Variants in ZMAT3 observed in about 807,000 individuals in gnomAD.
ZMAT3 encodes zinc finger matrin-type 3, also known as zinc finger matrin-type protein 3.
ZMAT3 carries 17 observed loss-of-function variants against 32.3 expected under a neutral mutation model. That is an observed-to-expected ratio of 0.53 (90% confidence interval 0.36 to 0.79). ZMAT3 has a LOEUF of 0.79. ZMAT3 is among the 30% of genes least tolerant of loss of function. ZMAT3 has a pLI of 0.00. For synonymous variants in ZMAT3, 120 were observed against 133.1 expected (o/e 0.90, Z 0.68); for missense variants, 329 against 359.7 (o/e 0.91, Z 0.69).
chr3:179,067,858 A>C, intron 1 of ZMAT3, 49 bp from the exon 2 acceptor site: 2 of 1,485,400 alleles, frequency 1.3e-6, no homozygotes, highest in Non-Finnish European at 1.8e-6. Flanking sequence ...TGAAAATCAG[A>C]CTTCAGCAAG....
At chr3:179,031,911 A>C (rs1386945234) in intron 2 of ZMAT3, among the ~76,000 whole-genome samples, 1 of 5,390 alleles carries the variant, frequency 1.9e-4, no homozygotes, top group Non-Finnish European at 2.6e-4. Context: ...TGTCTCAAAT[A>C]AAAAAAAAAA....
chr3:179,058,419 G>C (rs936147065), intron 2 of ZMAT3, among the ~76,000 whole-genome samples: 31 of 152,206 alleles, frequency 2.0e-4, no homozygotes, highest in African/African-American at 7.5e-4. Context: ...TCCCTTGACT[G>C]ATCCCAACAT....
chr3:179,043,266 A>G (rs1261131250), intron 2 of ZMAT3, among the ~76,000 whole-genome samples: 4 of 152,254 alleles, frequency 2.6e-5, no homozygotes, highest in Non-Finnish European at 4.4e-5. Context: ...CGCATTGCCA[A>G]GACAATCCTA....
chr3:179,023,352 G>A lies in ZMAT3; in HGVS notation c.*1665C>T, dbSNP rs909080261. ...AAAGTGATCTATCATATACTTGTTAGTATCTTCAAGAAAGCCGAATTACAA... is the reference window on the plus strand; with the variant it reads ...AAAGTGATCTATCATATACTTGTTAATATCTTCAAGAAAGCCGAATTACAA... On this transcript the variant is annotated 3_prime_UTR_variant, in exon 6 of 6. Transcript: ENST00000311417. 6.6e-6 allele frequency: 1 copy of A among 151,764 alleles called. No individual in the cohort carries two copies. The highest frequency in any genetic ancestry group is 1.5e-5 in the Non-Finnish European group (1 of 67,942). The allele number at this position is 151,764 out of a possible 1,614,324, so 9.4% of individuals were successfully genotyped here.
rs1460929038 is a variant in ZMAT3 at position 179,023,708 on chromosome 3, A to ATTTTTTTT, written c.*1308_*1309insAAAAAAAA. 1 of 12,632 alleles carries ATTTTTTTT rather than the reference A, an allele frequency of 7.9e-5. No homozygotes were observed. The highest frequency in any genetic ancestry group is 3.6e-3 in the South Asian group (1 of 280). 0.8% of individuals were successfully genotyped at this position (12,632 alleles called of 1,614,324 possible). The stretch of plus-strand genomic sequence containing the variant: ...CTGGAAAATATATCTATATATATAT[A>ATTTTTTTT]TATTTTTTTTTTTTTTTTTTTTTTT... On this transcript the variant is annotated 3_prime_UTR_variant, in exon 6 of 6. Transcript: ENST00000311417.
At chr3:179,026,204 G>A (rs1165673814) in intron 5 of ZMAT3, among the ~76,000 whole-genome samples, 4 of 152,062 alleles carry the variant, frequency 2.6e-5, no homozygotes, top group Non-Finnish European at 5.9e-5. Context: ...ACTCTGGTCA[G>A]AGAACATAAT....
At chr3:179,058,876 A>C (rs1430784202) in intron 2 of ZMAT3, among the ~76,000 whole-genome samples, 1 of 152,136 alleles carries the variant, frequency 6.6e-6, no homozygotes, top group East Asian at 1.9e-4. Context: ...CTCAGCTGGC[A>C]GAACTAATAG....
At chr3:179,041,651 C>A (rs1719934629) in intron 2 of ZMAT3, among the ~76,000 whole-genome samples, 2 of 152,212 alleles carry the variant, frequency 1.3e-5, no homozygotes, top group East Asian at 1.9e-4. Flanking sequence ...AAAATTGACA[C>A]CCTAACATTA....
chr3:179,070,236 T>C (rs1410475000), intron 1 of ZMAT3, among the ~76,000 whole-genome samples: 1 of 152,152 alleles, frequency 6.6e-6, no homozygotes, highest in Non-Finnish European at 1.5e-5. Context: ...CTTGAGGAAA[T>C]TCTAGCATGT....
intron 2 of ZMAT3, among the ~76,000 whole-genome samples, chr3:179,044,227 T>C (rs1034215362): frequency 2.0e-5 from 3 of 152,218 alleles, no homozygotes; most frequent in African/African-American, 7.2e-5. Flanking sequence ...ACTAGGTATA[T>C]ACCCAAAGGA....
chr3:179,025,216 A>C lies in ZMAT3; in HGVS notation c.671T>G (p.Phe224Cys). The change falls in exon 6 of 6, where the codon TTC becomes TGC. Residue 224 changes from phenylalanine (F) to cysteine (C), a missense_variant. Physicochemically the swap from Phe to Cys is radical, Grantham distance 205. Coordinates refer to ENST00000311417, the MANE Select transcript of ZMAT3 (RefSeq NM_022470.4). Reference protein sequence around the residue: ...TVQNNSAGPYFNPRSRQRIPR... With the variant: ...TVQNNSAGPYCNPRSRQRIPR... Reference sequence around the variant, plus strand: ...AATTCTCTGCCGAGAGCGGGGATTGAAGTAAGGACCTGCTAAAGCAAGAGA... The same window carrying C: ...AATTCTCTGCCGAGAGCGGGGATTGCAGTAAGGACCTGCTAAAGCAAGAGA... 1.2e-6 allele frequency: 2 copies of C among 1,613,750 alleles called. No homozygotes were observed. Among genetic ancestry groups the C allele is most frequent in the Non-Finnish European group, 1.7e-6 (2 of 1,179,774 alleles).
At chr3:179,050,881 A>G (rs979824559) in intron 2 of ZMAT3, among the ~76,000 whole-genome samples, 3 of 152,244 alleles carry the variant, frequency 2.0e-5, no homozygotes, top group Non-Finnish European at 4.4e-5. Context: ...ATTAAAAACA[A>G]AAATCATATG....
In ZMAT3 at chr3:179,025,067, C is replaced by G. The variant is rs1170616848; in HGVS notation, c.820G>C (p.Val274Leu). 6.2e-7 allele frequency: 1 copy of G among 1,614,062 alleles called. No homozygotes were observed. Among genetic ancestry groups the G allele is most frequent in the Admixed American group, 1.7e-5 (1 of 59,986 alleles). ...TCATTCCTGTACCGCTGTTCAGACA[C>G]CTTGCTCTTATGTTGCTTGCTCTCT... ...HLESKQHKSK[V>L]SEQRYRNEME... The change falls in exon 6 of 6, where the codon GTG (valine) becomes CTG (leucine). Residue 274 changes from valine (V) to leucine (L), a missense_variant. Physicochemically the swap from Val to Leu is conservative, Grantham distance 32. Coordinates refer to ENST00000311417, the MANE Select transcript of ZMAT3 (RefSeq NM_022470.4).
intron 2 of ZMAT3, among the ~76,000 whole-genome samples, chr3:179,051,367 G>A (rs978733679): frequency 6.6e-6 from 1 of 151,958 alleles, no homozygotes; most frequent in African/African-American, 2.4e-5. Context: ...ACCAAGCAGA[G>A]AATCAAATCA....
chr3:179,027,401 T>C, intron 5 of ZMAT3, 22 bp downstream of exon 5: 1 of 1,601,802 alleles, frequency 6.2e-7, no homozygotes, highest in Non-Finnish European at 8.6e-7. Context: ...GTACCCAAGG[T>C]ATGTGGAAAC....
At chr3:179,037,154 CAGG>C (rs1051078044) in intron 2 of ZMAT3, among the ~76,000 whole-genome samples, 1 of 152,114 alleles carries the variant, frequency 6.6e-6, no homozygotes, top group African/African-American at 2.4e-5. Flanking sequence ...CTCTTGGTCG[CAGG>C]AGAAGAACCC....
chr3:179,032,759 T>G (rs1417829317), intron 2 of ZMAT3, among the ~76,000 whole-genome samples: 2 of 148,838 alleles, frequency 1.3e-5, no homozygotes, highest in Non-Finnish European at 3.0e-5. Flanking sequence ...GGAGCCCCTC[T>G]GCCCCGCAGC....
chr3:179,066,484 T>C (rs1721423538), intron 2 of ZMAT3, among the ~76,000 whole-genome samples: 1 of 152,166 alleles, frequency 6.6e-6, no homozygotes, highest in Non-Finnish European at 1.5e-5. Context: ...AGAAAAGACT[T>C]AACACCCACA....
At chr3:179,047,082 A>C (rs1720281153) in intron 2 of ZMAT3, among the ~76,000 whole-genome samples, 1 of 152,084 alleles carries the variant, frequency 6.6e-6, no homozygotes, top group East Asian at 1.9e-4. Context: ...AAATACAACC[A>C]AGGACCCTCA....
Sources: allele counts gnomAD v4.1 joint callset (sites outside exome capture counted in the v4.1 genomes callset), GRCh38; gene constraint gnomAD v4.1.1; transcripts MANE v1.5; gene names NCBI Gene and HGNC (gene_info 2026-07-23, HGNC 2026-07-21).